LOXL2: variants seen among roughly 807,000 people sequenced by gnomAD.
LOXL2 encodes lysyl oxidase homolog 2.
In LOXL2, 70 loss-of-function variants were observed where a neutral mutation model predicts 93.0. That is an observed-to-expected ratio of 0.75 (90% CI 0.62 to 0.92). The LOEUF is 0.92. Ranked by LOEUF, LOXL2 falls within the 40% of genes least tolerant of loss-of-function variation. The pLI, the probability that LOXL2 is intolerant of heterozygous loss-of-function variation, is 0.00. For synonymous variants in LOXL2, 438 were observed against 413.2 expected (o/e 1.06, Z -0.73); for missense variants, 973 against 1,054.9 (o/e 0.92, Z 1.08).
chr8:23,396,835 T>C (rs919114804), intron 1 of LOXL2, among the ~76,000 whole-genome samples: 1 of 152,244 alleles, frequency 6.6e-6, no homozygotes, highest in Non-Finnish European at 1.5e-5. Flanking sequence ...CTTGCTAATG[T>C]TCTATTCTTG....
At chr8:23,314,475 A>G (rs13256741) in intron 9 of LOXL2, among the ~76,000 whole-genome samples, 59,645 of 99,568 alleles carry the variant, frequency 0.6, 19,227 homozygotes, top group South Asian at 0.76. Context: ...AAAAAATGAT[A>G]AGTTCATGTC....
chr8:23,351,240 T>A (rs1392338700), intron 3 of LOXL2, among the ~76,000 whole-genome samples: 1 of 152,212 alleles, frequency 6.6e-6, no homozygotes, highest in Non-Finnish European at 1.5e-5. Context: ...ACACCCAGCA[T>A]GGCTGAGGTG....
Position 23,333,415 on chromosome 8 carries a change from C to T in LOXL2, c.952G>A (p.Ala318Thr). 1 of 1,613,842 alleles carries T rather than the reference C, an allele frequency of 6.2e-7. No individual in the cohort carries two copies. The highest frequency in any genetic ancestry group is 2.2e-5 in the East Asian group (1 of 44,874). ...CCCGTCCTCACCTCTGGCTTGTACG[C>T]TTTCCGGAATCTTGAGGGTCCGTCA... ...SPDGPSRFRK[A>T]YKPEQPLVRL... is the part of the protein sequence containing the mutation. Residue 318 changes from alanine (A) to threonine (T), a missense_variant, in exon 5 of 14, where the codon GCG (alanine) becomes ACG (threonine). Coordinates refer to ENST00000389131, the MANE Select transcript of LOXL2 (RefSeq NM_002318.3).
At chr8:23,361,203 T>C (rs997514213) in intron 2 of LOXL2, among the ~76,000 whole-genome samples, 1 of 152,064 alleles carries the variant, frequency 6.6e-6, no homozygotes, top group African/African-American at 2.4e-5. Context: ...CCGGCCTGGT[T>C]TGAGGTTTTT....
rs779194710 is a variant in LOXL2 at position 23,298,929 on chromosome 8, A to G, written c.2152T>C (p.Phe718Leu). 1.2e-6 allele frequency: 2 copies of G among 1,612,064 alleles called. No homozygotes were observed. Among genetic ancestry groups the G allele is most frequent in the South Asian group, 1.1e-5 (1 of 91,042 alleles). Residue 718 changes from phenylalanine to leucine, a missense_variant, in exon 13 of 14, where the codon TTC (phenylalanine) becomes CTC (leucine). Coordinates refer to ENST00000389131, the MANE Select transcript of LOXL2 (RefSeq NM_002318.3). Reference sequence around the variant, plus strand: ...GAGTAATCGGATTCTGCAACCTCGAAGTTGGGGTTAATAACAACCTAGGGA... The same window carrying G: ...GAGTAATCGGATTCTGCAACCTCGAGGTTGGGGTTAATAACAACCTAGGGA... ...YLFQVVINPN[F>L]EVAESDYSNN...
Position 23,317,430 on chromosome 8 carries a change from C to T in LOXL2, c.1471-316G>A, listed in dbSNP as rs565656691. ...CACACAACTCAGGTTGCCCACTCCCCAGTCCTGATCCAGGGCAGACATTGC... is the reference window on the plus strand; with the variant it reads ...CACACAACTCAGGTTGCCCACTCCCTAGTCCTGATCCAGGGCAGACATTGC... On this transcript the variant is annotated intron_variant, in intron 8 of 13. Transcript: ENST00000389131. Among the ~76,000 whole-genome samples, 5 of 152,318 alleles carry T rather than the reference C, an allele frequency of 3.3e-5. 1 individual carries two copies.
intron 1 of LOXL2, among the ~76,000 whole-genome samples, chr8:23,378,435 C>G (rs9694324): frequency 5.6e-4 from 85 of 151,842 alleles, no homozygotes; most frequent in Middle Eastern, 3.4e-3. Flanking sequence ...TGCTCTTCTC[C>G]AGGAGTATCT....
At chr8:23,325,462 A>C (rs574569413) in intron 6 of LOXL2, among the ~76,000 whole-genome samples, 1 of 152,034 alleles carries the variant, frequency 6.6e-6, no homozygotes, top group African/African-American at 2.4e-5. Context: ...GCTAATTTTT[A>C]AAAAAATTTT....
At chr8:23,325,232 G>A (rs1034683515) in intron 6 of LOXL2, among the ~76,000 whole-genome samples, 1 of 152,116 alleles carries the variant, frequency 6.6e-6, no homozygotes, top group Non-Finnish European at 1.5e-5. Context: ...TAAAGCTAAC[G>A]TCATCTTTTT....
At chr8:23,309,949 C>A in intron 9 of LOXL2, 38 bp from the exon 10 acceptor site, 1 of 1,425,036 alleles carries the variant, frequency 7.0e-7, no homozygotes, top group South Asian at 1.6e-5. Context: ...AGGCAAGAGA[C>A]CCCTCCCCAG....
intron 1 of LOXL2, among the ~76,000 whole-genome samples, chr8:23,387,921 C>G (rs368843065): frequency 2.0e-5 from 3 of 152,294 alleles, no homozygotes; most frequent in East Asian, 1.9e-4. Context: ...TGCACTCCAG[C>G]CCGGGCGACA....
intron 1 of LOXL2, among the ~76,000 whole-genome samples, chr8:23,384,639 G>C (rs761665067): frequency 4.6e-5 from 7 of 152,178 alleles, no homozygotes; most frequent in Non-Finnish European, 1.0e-4. Flanking sequence ...CAGCGGCCGG[G>C]CGTGGTAGTT....
At chr8:23,369,697 G>A (rs1804466731) in intron 1 of LOXL2, among the ~76,000 whole-genome samples, 1 of 152,102 alleles carries the variant, frequency 6.6e-6, no homozygotes, top group African/African-American at 2.4e-5. Context: ...TGAGGATTTT[G>A]GAAAGCTTTC....
chr8:23,386,616 G>C (rs1804764610), intron 1 of LOXL2, among the ~76,000 whole-genome samples: 1 of 152,030 alleles, frequency 6.6e-6, no homozygotes, highest in South Asian at 2.1e-4. Flanking sequence ...TACCACAGTG[G>C]GGAGAGTTTT....
intron 9 of LOXL2, among the ~76,000 whole-genome samples, chr8:23,316,279 A>G (rs1419696953): frequency 6.6e-6 from 1 of 152,208 alleles, no homozygotes; most frequent in Non-Finnish European, 1.5e-5. Flanking sequence ...AGATCAGCCA[A>G]TAAGGCAGGG....
At chr8:23,384,311 C>G (rs545627937) in intron 1 of LOXL2, among the ~76,000 whole-genome samples, 2 of 152,318 alleles carry the variant, frequency 1.3e-5, no homozygotes, top group South Asian at 4.1e-4. Context: ...CTGCACACAC[C>G]TGCTTGCCCT....
At chr8:23,298,553 A>G (rs1034925809) in intron 13 of LOXL2, among the ~76,000 whole-genome samples, 1 of 152,250 alleles carries the variant, frequency 6.6e-6, no homozygotes, top group African/African-American at 2.4e-5. Context: ...TTGAGGTCAC[A>G]TACATAATGA....
At chr8:23,333,380 C>A (rs150520959) in intron 5 of LOXL2, 21 bp downstream of exon 5, 1 of 1,611,204 alleles carries the variant, frequency 6.2e-7, no homozygotes, top group Admixed American at 1.7e-5. Context: ...CAAGTGGCCA[C>A]ACCTCGTGCC....
At chr8:23,388,700 A>G (rs1387307795) in intron 1 of LOXL2, among the ~76,000 whole-genome samples, 2 of 152,016 alleles carry the variant, frequency 1.3e-5, no homozygotes, top group Non-Finnish European at 2.9e-5. Flanking sequence ...CAAAGAATAT[A>G]CAATATTAGC....
Sources: allele counts gnomAD v4.1 joint callset (sites outside exome capture counted in the v4.1 genomes callset), GRCh38; gene constraint gnomAD v4.1.1; transcripts MANE v1.5; gene names NCBI Gene and HGNC (gene_info 2026-07-23, HGNC 2026-07-21).